The following GHR variants were observed in gnomAD, a reference collection of about 807,000 sequenced individuals.
The protein encoded by GHR is growth hormone receptor, also known as GH receptor.
A neutral mutation model predicts 67.1 loss-of-function variants in GHR; 35 were observed. The observed-to-expected ratio is 0.52, with a 90% confidence interval of 0.40 to 0.69. The LOEUF is 0.69. GHR is among the 30% of genes least tolerant of loss of function. The pLI is 0.00. For missense variants in GHR, 792 were observed against 764.6 expected, an observed-to-expected ratio of 1.04 and a Z score of -0.42; for synonymous variants, 272 against 269.1, an observed-to-expected ratio of 1.01 and a Z score of -0.10.
intron 1 of GHR, among the ~76,000 whole-genome samples, chr5:42,474,695 GATA>G (rs1376143422): frequency 6.6e-6 from 1 of 152,190 alleles, no homozygotes; most frequent in East Asian, 1.9e-4. Context: ...GGAACATTTT[GATA>G]ATATGTACTC....
intron 2 of GHR, among the ~76,000 whole-genome samples, chr5:42,567,417 A>G (rs2112482959): frequency 6.6e-6 from 1 of 152,314 alleles, no homozygotes; most frequent in South Asian, 2.1e-4. Context: ...TGAAGAGAAA[A>G]CATCACTAGT....
intron 1 of GHR, among the ~76,000 whole-genome samples, chr5:42,500,495 G>A (rs1746496286): frequency 6.6e-6 from 1 of 152,236 alleles, no homozygotes; most frequent in Non-Finnish European, 1.5e-5. Context: ...AATCAATACT[G>A]TGGGGCAAAC....
At chr5:42,428,057 A>G (rs1348182723) in intron 1 of GHR, among the ~76,000 whole-genome samples, 2 of 152,226 alleles carry the variant, frequency 1.3e-5, no homozygotes, top group Non-Finnish European at 2.9e-5. Flanking sequence ...CTCTGTGTAG[A>G]GGATCCAACC....
chr5:42,496,298 A>G (rs1174286602), intron 1 of GHR, among the ~76,000 whole-genome samples: 1 of 152,192 alleles, frequency 6.6e-6, no homozygotes, highest in Non-Finnish European at 1.5e-5. Context: ...AGTATTGTCA[A>G]CCAATTCAGT....
rs78953994 is a variant in GHR at position 42,507,942 on chromosome 5, G to A, written c.-11-57922G>A. 1.7e-3 allele frequency among the ~76,000 whole-genome samples: 265 copies of A among 152,318 alleles called. 4 individuals carry two copies. The East Asian group carries it at 0.046, about 26-fold the overall frequency. ...CAGCCCGCAGCAGTCAGCCTCCTGA[G>A]TGCAGAGCAGAGGAAGACCTGGAAT... On this transcript the variant is annotated intron_variant, in intron 1 of 9. Transcript: ENST00000230882.
chr5:42,430,440 A>G (rs535146353), intron 1 of GHR, among the ~76,000 whole-genome samples: 8 of 152,302 alleles, frequency 5.3e-5, no homozygotes, highest in Admixed American at 1.3e-4. Context: ...TGTGAAACAA[A>G]TGGCTATGTT....
At chr5:42,679,426 A>T (rs1756745887) in intron 3 of GHR, among the ~76,000 whole-genome samples, 1 of 151,628 alleles carries the variant, frequency 6.6e-6, no homozygotes, top group Non-Finnish European at 1.5e-5. Context: ...AGAGATTGAG[A>T]CCATCCTGGC....
At position 42,709,279 on chromosome 5, in the gene GHR, G is replaced by A. The variant is rs564080276; in HGVS notation, c.619-1928G>A. Among the ~76,000 whole-genome samples the A allele has an allele frequency of 3.9e-5, 6 of 152,064 alleles. No individual in the cohort carries two copies. The South Asian group carries it at 1.0e-3, about 26-fold the overall frequency. On this transcript the variant is annotated intron_variant, in intron 6 of 9. Transcript: ENST00000230882. The stretch of plus-strand genomic sequence containing the variant: ...CTCCTGAGTAGCTAGGATTACAGGC[G>A]CAAGCCACCACACCCAGCTAATACA...
At chr5:42,656,209 A>G (rs1178181213) in intron 3 of GHR, among the ~76,000 whole-genome samples, 1 of 152,154 alleles carries the variant, frequency 6.6e-6, no homozygotes, top group Non-Finnish European at 1.5e-5. Flanking sequence ...GCAACATGTG[A>G]CTCAGACACA....
At chr5:42,635,901 A>G (rs1387330405) in intron 3 of GHR, among the ~76,000 whole-genome samples, 1 of 151,912 alleles carries the variant, frequency 6.6e-6, no homozygotes, top group African/African-American at 2.4e-5. Context: ...AAAAGCCTTA[A>G]TCTTAGAAGT....
At chr5:42,529,010 TA>T (rs199988065) in intron 1 of GHR, among the ~76,000 whole-genome samples, 25,290 of 142,038 alleles carry the variant, frequency 0.18, 2,000 homozygotes, top group Middle Eastern at 0.25. Context: ...ATTATACACG[TA>T]ACTTTTTTTT....
intron 1 of GHR, among the ~76,000 whole-genome samples, chr5:42,434,012 T>C (rs1335473010): frequency 6.6e-6 from 1 of 152,176 alleles, no homozygotes; most frequent in African/African-American, 2.4e-5. Context: ...CTGTGTGGTA[T>C]TTCAGCACAT....
intron 1 of GHR, among the ~76,000 whole-genome samples, chr5:42,554,047 G>A (rs1749179308): frequency 6.6e-6 from 1 of 152,116 alleles, no homozygotes; most frequent in South Asian, 2.1e-4. Context: ...AAGTTATATA[G>A]CACATTTGGT....
intron 1 of GHR, among the ~76,000 whole-genome samples, chr5:42,453,832 C>T (rs1284198049): frequency 1.3e-5 from 2 of 152,152 alleles, no homozygotes; most frequent in South Asian, 2.1e-4. Context: ...TTTTCCAAGG[C>T]CCTTCATGGT....
At chr5:42,500,648 C>A (rs1479182052) in intron 1 of GHR, among the ~76,000 whole-genome samples, 1 of 152,170 alleles carries the variant, frequency 6.6e-6, no homozygotes, top group Non-Finnish European at 1.5e-5. Flanking sequence ...TGATTATTTT[C>A]TGCTTCTTGG....
At chr5:42,480,086 G>A (rs1012930505) in intron 1 of GHR, among the ~76,000 whole-genome samples, 1 of 152,120 alleles carries the variant, frequency 6.6e-6, no homozygotes, top group Non-Finnish European at 1.5e-5. Context: ...GGTATGTTGT[G>A]TCTTTGTTCT....
Position 42,719,517 on chromosome 5 carries a change from T to TG in GHR, c.*98dup. On this transcript the variant is annotated 3_prime_UTR_variant, in exon 10 of 10. Transcript: ENST00000230882. ...GCCAAAACAATGTTTAAACCTTTTT[T>TG]GGGGGAGTGACAGGATGGGGTATGG... is the stretch of plus-strand genomic sequence containing the variant. 8.1e-7 allele frequency: 1 copy of TG among 1,232,732 alleles called. No individual in the cohort carries two copies. Among genetic ancestry groups the TG allele is most frequent in the Non-Finnish European group, 1.2e-6 (1 of 845,174 alleles). The allele number at this position is 1,232,732 out of a possible 1,614,324, so 76.4% of individuals were successfully genotyped here.
At chr5:42,664,896 A>T (rs1256450277) in intron 3 of GHR, among the ~76,000 whole-genome samples, 1 of 152,244 alleles carries the variant, frequency 6.6e-6, no homozygotes, top group Non-Finnish European at 1.5e-5. Context: ...ACAAATCTAC[A>T]GGAAAAAAAC....
intron 1 of GHR, among the ~76,000 whole-genome samples, chr5:42,488,179 A>T (rs903819819): frequency 4.6e-5 from 7 of 152,234 alleles, no homozygotes; most frequent in African/African-American, 1.7e-4. Context: ...TGATTATAGT[A>T]CTAAACTCAT....
Sources: gnomAD v4.1 joint callset for allele counts (sites outside exome capture counted in the v4.1 genomes callset) on GRCh38, gnomAD v4.1.1 for gene constraint, MANE v1.5 for transcripts, NCBI Gene and HGNC (gene_info 2026-07-23, HGNC 2026-07-21) for gene names.